SMYD3: variants seen among roughly 807,000 people sequenced by gnomAD.
SMYD3 encodes the protein histone-lysine N-methyltransferase SMYD3.
SMYD3 carries 36 observed loss-of-function variants against 57.7 expected under a neutral mutation model. The observed-to-expected ratio is 0.62, with a 90% CI of 0.48 to 0.82. SMYD3 has a LOEUF of 0.82. SMYD3 is among the 40% of genes least tolerant of loss of function. The pLI is 0.00. For missense variants in SMYD3, 515 were observed against 538.8 expected (o/e 0.96, Z 0.44); for synonymous variants, 211 against 195.0 (o/e 1.08, Z -0.68).
intron 1 of SMYD3, among the ~76,000 whole-genome samples, chr1:246,454,844 T>C (rs2067678764): frequency 6.6e-6 from 1 of 152,164 alleles, no homozygotes; most frequent in Admixed American, 6.5e-5. Flanking sequence ...ATGAAAAAAC[T>C]GGGACTGAAA....
chr1:246,283,475 T>C (rs1181873329), intron 5 of SMYD3, among the ~76,000 whole-genome samples: 1 of 152,160 alleles, frequency 6.6e-6, no homozygotes, highest in Non-Finnish European at 1.5e-5. Flanking sequence ...GATGTGTCCA[T>C]CTTGCTTTCC....
chr1:246,228,706 C>T (rs2063366943), intron 5 of SMYD3, among the ~76,000 whole-genome samples: 1 of 152,128 alleles, frequency 6.6e-6, no homozygotes, highest in African/African-American at 2.4e-5. Context: ...ACTGCTATTC[C>T]TTTCTGTATA....
At chr1:245,898,464 A>G (rs960549128) in intron 8 of SMYD3, among the ~76,000 whole-genome samples, 5 of 152,240 alleles carry the variant, frequency 3.3e-5, no homozygotes, top group African/African-American at 4.8e-5. Context: ...ACTAGAGAGC[A>G]CTGAATGGCA....
intron 11 of SMYD3, 46 bp from the exon 12 acceptor site, chr1:245,749,710 G>A (rs368617621): frequency 1.9e-4 from 279 of 1,490,574 alleles, no homozygotes; most frequent in Non-Finnish European, 2.5e-4. Context: ...AAATAGGTGA[G>A]CTCAGGCCAT....
intron 5 of SMYD3, among the ~76,000 whole-genome samples, chr1:246,249,083 A>G (rs1272099336): frequency 6.6e-6 from 1 of 151,500 alleles, no homozygotes; most frequent in Non-Finnish European, 1.5e-5. Flanking sequence ...TTAGTATTTG[A>G]TTTTTTTATA....
At chr1:246,264,007 A>G (rs538232422) in intron 5 of SMYD3, among the ~76,000 whole-genome samples, 1 of 152,078 alleles carries the variant, frequency 6.6e-6, no homozygotes, top group East Asian at 1.9e-4. Context: ...TTCTAGCCAA[A>G]AGGCCATATT....
intron 10 of SMYD3, among the ~76,000 whole-genome samples, chr1:245,821,244 A>T (rs1239651177): frequency 6.9e-6 from 1 of 145,662 alleles, no homozygotes; most frequent in Non-Finnish European, 1.5e-5. Flanking sequence ...ATAACGCCAC[A>T]TATCTACAAC....
At chr1:246,423,457 T>C (rs1164491943) in intron 1 of SMYD3, among the ~76,000 whole-genome samples, 1 of 151,864 alleles carries the variant, frequency 6.6e-6, no homozygotes. Flanking sequence ...TCCCACCTCC[T>C]AGAGGGGATG....
chr1:246,291,036 T>TA lies in SMYD3; in HGVS notation c.531+36164dup, dbSNP rs35794397. On this transcript the variant is annotated intron_variant, in intron 5 of 11. Coordinates refer to ENST00000490107, the MANE Select transcript of SMYD3 (RefSeq NM_001167740.2). ...CAATTAAACAAGCTTTTAAGCGTGATAAAAAAAAAAATACATAGGTTAATA... is the reference window on the plus strand; with the variant it reads ...CAATTAAACAAGCTTTTAAGCGTGATAAAAAAAAAAAATACATAGGTTAATA... Among the ~76,000 whole-genome samples, 1,143 of 148,320 alleles carry TA rather than the reference T, an allele frequency of 7.7e-3. 10 individuals are homozygous for TA. Among genetic ancestry groups the TA allele is most frequent in the Middle Eastern group, 0.017 (5 of 288 alleles).
intron 10 of SMYD3, among the ~76,000 whole-genome samples, chr1:245,768,406 G>A (rs2046204134): frequency 6.6e-6 from 1 of 152,198 alleles, no homozygotes; most frequent in African/African-American, 2.4e-5. Flanking sequence ...AAAAGGACAT[G>A]GAGAAGAAAT....
intron 10 of SMYD3, among the ~76,000 whole-genome samples, chr1:245,842,134 G>A (rs913058086): frequency 2.0e-5 from 3 of 152,124 alleles, no homozygotes; most frequent in Admixed American, 2.0e-4. Context: ...ATTTCATGAC[G>A]ATTGCGTGAC....
intron 10 of SMYD3, among the ~76,000 whole-genome samples, chr1:245,779,941 C>T (rs937469935): frequency 1.3e-5 from 2 of 152,142 alleles, no homozygotes; most frequent in African/African-American, 2.4e-5. Flanking sequence ...ACATGATTAG[C>T]CATCAGGGAA....
intron 3 of SMYD3, 94 bp from the exon 4 acceptor site, chr1:246,330,631 G>T: frequency 9.7e-7 from 1 of 1,035,434 alleles, no homozygotes; most frequent in Non-Finnish European, 1.4e-6. Flanking sequence ...TTAAATGAAA[G>T]TCCATCAAAA....
intron 4 of SMYD3, among the ~76,000 whole-genome samples, chr1:246,328,030 C>T (rs1028542649): frequency 6.6e-6 from 1 of 152,080 alleles, no homozygotes; most frequent in Non-Finnish European, 1.5e-5. Flanking sequence ...CCCATCTCTA[C>T]TAAAAATATA....
At chr1:245,832,283 C>T (rs1034122698) in intron 10 of SMYD3, among the ~76,000 whole-genome samples, 11 of 152,206 alleles carry the variant, frequency 7.2e-5, no homozygotes, top group Admixed American at 6.5e-4. Context: ...GCAACCCTGA[C>T]AGCCTTCAGG....
intron 5 of SMYD3, among the ~76,000 whole-genome samples, chr1:246,132,722 C>T (rs925475497): frequency 6.6e-6 from 1 of 152,046 alleles, no homozygotes; most frequent in Admixed American, 6.6e-5. Flanking sequence ...AAAATACTTG[C>T]AAATCATTTA....
At chr1:246,011,553 G>C (rs2059282164) in intron 5 of SMYD3, among the ~76,000 whole-genome samples, 1 of 152,312 alleles carries the variant, frequency 6.6e-6, no homozygotes, top group Non-Finnish European at 1.5e-5. Context: ...CACTGTCGAT[G>C]CTGTGAGTGG....
intron 10 of SMYD3, among the ~76,000 whole-genome samples, chr1:245,853,557 C>T (rs1271773169): frequency 2.0e-5 from 3 of 152,182 alleles, no homozygotes; most frequent in African/African-American, 7.2e-5. Context: ...ATAACATGTA[C>T]CCGGCAAGCT....
At chr1:245,883,746 G>T (rs2052923652) in intron 8 of SMYD3, among the ~76,000 whole-genome samples, 1 of 152,140 alleles carries the variant, frequency 6.6e-6, no homozygotes, top group African/African-American at 2.4e-5. Context: ...CTAGCGAGAT[G>T]AATCCTTTTC....
Sources: allele counts gnomAD v4.1 joint callset (sites outside exome capture counted in the v4.1 genomes callset), GRCh38; gene constraint gnomAD v4.1.1; transcripts MANE v1.5; gene names NCBI Gene and HGNC (gene_info 2026-07-23, HGNC 2026-07-21).